NUP98: variants seen among roughly 807,000 people sequenced by gnomAD.
NUP98 encodes nucleoporin 98 and 96 precursor, also known as nuclear pore complex protein Nup98-Nup96.
A neutral mutation model predicts 191.9 loss-of-function variants in NUP98; 26 were observed. The observed-to-expected ratio is 0.14, with a 90% CI of 0.10 to 0.19. NUP98 has a LOEUF of 0.19. Ranked by LOEUF, NUP98 falls within the 10% of genes least tolerant of loss-of-function variation. The pLI, the probability that NUP98 is intolerant of heterozygous loss-of-function variation, is 1.00. For missense variants in NUP98, 1,941 were observed against 2,178.8 expected, an observed-to-expected ratio of 0.89 and a Z score of 2.17; for synonymous variants, 808 against 778.4, an observed-to-expected ratio of 1.04 and a Z score of -0.63.
rs186733112 is a variant in NUP98 at position 3,761,652 on chromosome 11, G to A, written c.1087-1026C>T. Reference sequence around the variant, plus strand: ...CGGGCGCCTGTAATCCCAGCTACTCGGGAGGCTGAGGCAGAGAACTGCTTG... The same window carrying A: ...CGGGCGCCTGTAATCCCAGCTACTCAGGAGGCTGAGGCAGAGAACTGCTTG... On this transcript the variant is annotated intron_variant, in intron 9 of 32. Transcript: ENST00000324932. Among the ~76,000 whole-genome samples the A allele has an allele frequency of 3.9e-3, 594 of 152,272 alleles. 1 individual carries two copies. Among genetic ancestry groups the A allele is most frequent in the African/African-American group, 0.013 (553 of 41,576 alleles).
chr11:3,767,839 T>C (rs947121709), intron 8 of NUP98, among the ~76,000 whole-genome samples: 1 of 151,844 alleles, frequency 6.6e-6, no homozygotes, highest in Admixed American at 6.6e-5. Flanking sequence ...ACAAAAAAAC[T>C]TCTTTGTATG....
intron 21 of NUP98, among the ~76,000 whole-genome samples, chr11:3,705,634 A>G (rs2078837440): frequency 6.6e-6 from 1 of 152,240 alleles, no homozygotes; most frequent in Non-Finnish European, 1.5e-5. Flanking sequence ...GTCAAACATA[A>G]GCCAAAGGTT....
rs1362913187 is a variant in NUP98 at position 3,709,978 on chromosome 11, A to AT, written c.2742+2585dup. On this transcript the variant is annotated intron_variant, in intron 20 of 32. Transcript: ENST00000324932. ...CCCTAAAACTTAAAGTACAATAATAATTTAAAAAAAAAAAGTTTACAAAAA... is the reference window on the plus strand; with the variant it reads ...CCCTAAAACTTAAAGTACAATAATAATTTTAAAAAAAAAAAGTTTACAAAAA... Among the ~76,000 whole-genome samples, 414 of 106,412 alleles carry AT rather than the reference A, an allele frequency of 3.9e-3. 2 individuals carry two copies. Among genetic ancestry groups the AT allele is most frequent in the African/African-American group, 0.01 (340 of 32,904 alleles). The allele number at this position is 106,412 out of a possible 152,430, so 69.8% of individuals were successfully genotyped here. A position where few individuals can be genotyped will look rare whatever the true frequency, so the allele number is the denominator to read the frequency against.
chr11:3,707,218 T>C (rs1293069625), intron 20 of NUP98, among the ~76,000 whole-genome samples: 3 of 152,104 alleles, frequency 2.0e-5, no homozygotes, highest in Non-Finnish European at 4.4e-5. Context: ...AAAGTAATAA[T>C]ATTAGGAACA....
intron 15 of NUP98, among the ~76,000 whole-genome samples, chr11:3,724,612 G>T (rs1199289971): frequency 1.3e-5 from 2 of 151,452 alleles, no homozygotes; most frequent in African/African-American, 4.9e-5. Flanking sequence ...GGCTAACAAG[G>T]TGAAACGCCG....
chr11:3,689,590 T>A (rs1171843276), intron 28 of NUP98, among the ~76,000 whole-genome samples: 1 of 152,120 alleles, frequency 6.6e-6, no homozygotes, highest in Non-Finnish European at 1.5e-5. Context: ...TGGTTAGAAA[T>A]AATAGCATGT....
intron 19 of NUP98, among the ~76,000 whole-genome samples, chr11:3,713,511 G>C (rs1445337436): frequency 6.6e-6 from 1 of 152,168 alleles, no homozygotes; most frequent in African/African-American, 2.4e-5. Flanking sequence ...TTGATCCCAG[G>C]AGTTGGAGAC....
chr11:3,759,751 C>T (rs2134498136), intron 10 of NUP98, among the ~76,000 whole-genome samples: 1 of 152,166 alleles, frequency 6.6e-6, no homozygotes, highest in South Asian at 2.1e-4. Context: ...TATGAACATG[C>T]ATTCAAAATT....
intron 32 of NUP98, 50 bp downstream of exon 32, chr11:3,676,459 T>C (rs1423830234): frequency 1.2e-6 from 2 of 1,604,626 alleles, no homozygotes; most frequent in South Asian, 1.1e-5. Flanking sequence ...GTAATAATCA[T>C]AAAAACAGGA....
At chr11:3,794,021 A>C (rs2133998583) in intron 1 of NUP98, among the ~76,000 whole-genome samples, 1 of 152,332 alleles carries the variant, frequency 6.6e-6, no homozygotes, top group Non-Finnish European at 1.5e-5. Context: ...CTAAAGTAGT[A>C]GTCTCAATCA....
At chr11:3,727,622 GA>G (rs2079670959) in intron 14 of NUP98, among the ~76,000 whole-genome samples, 1 of 152,016 alleles carries the variant, frequency 6.6e-6, no homozygotes, top group Non-Finnish European at 1.5e-5. Context: ...AGCACTTCAG[GA>G]GGCCAAGGTG....
chr11:3,720,009 C>T (rs2079332503), intron 17 of NUP98, among the ~76,000 whole-genome samples: 1 of 152,108 alleles, frequency 6.6e-6, no homozygotes, highest in Admixed American at 6.5e-5. Context: ...GATCCTCTCA[C>T]CTCAGCCTCC....
At chr11:3,678,848 C>G (rs1300680622) in intron 31 of NUP98, among the ~76,000 whole-genome samples, 1 of 152,006 alleles carries the variant, frequency 6.6e-6, no homozygotes, top group Non-Finnish European at 1.5e-5. Context: ...TGCAGGCGTG[C>G]GGTAAGCTCA....
In NUP98 at chr11:3,797,478, C is replaced by A. The variant is rs548005365; in HGVS notation, c.-107G>T. The A allele has an allele frequency of 2.3e-6, 1 of 433,290 alleles. No individual in the cohort carries two copies. Among genetic ancestry groups the A allele is most frequent in the Non-Finnish European group, 4.1e-6 (1 of 246,728 alleles). 26.8% of individuals were successfully genotyped at this position (433,290 alleles called of 1,614,324 possible). ...CTCACAGAGCAGCGCGCGGCCCCCA[C>A]GAAACCGTCGCCGCCGCCGCTACCA... On this transcript the variant is annotated 5_prime_UTR_variant, in exon 1 of 33. Transcript: ENST00000324932.
At chr11:3,676,475 G>A in intron 32 of NUP98, 34 bp downstream of exon 32, 1 of 1,606,186 alleles carries the variant, frequency 6.2e-7, no homozygotes, top group Non-Finnish European at 8.5e-7. Flanking sequence ...CAGGAAGCAA[G>A]AAGGCAGAAA....
chr11:3,701,681 TC>T (rs1322856405), intron 23 of NUP98, among the ~76,000 whole-genome samples: 1 of 151,656 alleles, frequency 6.6e-6, no homozygotes, highest in African/African-American at 2.4e-5. Flanking sequence ...TTTTTCTTTT[TC>T]TTTTCTCTCT....
intron 23 of NUP98, among the ~76,000 whole-genome samples, chr11:3,701,802 C>A (rs1272134499): frequency 2.6e-5 from 4 of 151,772 alleles, no homozygotes; most frequent in Non-Finnish European, 4.4e-5. Context: ...TCTCCTGCCT[C>A]AGCCTCCTGA....
chr11:3,747,383 T>C (rs1254231121), intron 11 of NUP98, among the ~76,000 whole-genome samples: 5 of 152,322 alleles, frequency 3.3e-5, no homozygotes, highest in East Asian at 3.8e-4. Context: ...CCTTCCTATA[T>C]GTAGCCATTA....
intron 25 of NUP98, 114 bp from the exon 26 acceptor site, chr11:3,695,720 G>C: frequency 1.4e-6 from 1 of 730,278 alleles, no homozygotes; most frequent in Non-Finnish European, 2.0e-6. Context: ...ATTTAACATT[G>C]TTAACTGCTT....
Sources: allele counts gnomAD v4.1 joint callset (sites outside exome capture counted in the v4.1 genomes callset), GRCh38; gene constraint gnomAD v4.1.1; transcripts MANE v1.5; gene names NCBI Gene and HGNC (gene_info 2026-07-23, HGNC 2026-07-21).